Variants in KAZN observed in about 807,000 individuals in gnomAD.
KAZN encodes the protein kazrin, periplakin interacting protein.
A neutral mutation model predicts 87.4 loss-of-function variants in KAZN; 40 were observed. The ratio of observed to expected loss-of-function variants is 0.46; its 90% CI spans 0.36 to 0.60. The LOEUF is 0.60. KAZN is among the 20% of genes least tolerant of loss of function. The pLI is 0.00. For synonymous variants in KAZN, 466 were observed against 458.3 expected (o/e 1.02, Z -0.22); for missense variants, 898 against 1,073.9 (o/e 0.84, Z 2.29).
chr1:14,607,325 G>T (rs1451139534), intron 1 of KAZN, among the ~76,000 whole-genome samples: 3 of 152,142 alleles, frequency 2.0e-5, no homozygotes, highest in Non-Finnish European at 4.4e-5. Context: ...GGCACACAAA[G>T]GTCACATGAC....
intron 2 of KAZN, among the ~76,000 whole-genome samples, chr1:14,560,604 C>T (rs1361226781): frequency 6.6e-6 from 1 of 152,204 alleles, no homozygotes; most frequent in East Asian, 1.9e-4. Context: ...ATAATACCTA[C>T]CTGACAAGTT....
rs1368357019 is a variant in KAZN at position 14,720,863 on chromosome 1, C to T, written c.226+121640C>T. On this transcript the variant is annotated intron_variant, in intron 1 of 14. Transcript: ENST00000376030. ...TCCCGAGTACCTGGGACTACTACCG[C>T]GCCTGACCTTCCTTGCCACTTTCCA... is the stretch of plus-strand genomic sequence containing the variant. Among the ~76,000 whole-genome samples the T allele has an allele frequency of 4.6e-5, 7 of 152,114 alleles. No individual in the cohort carries two copies. In the East Asian group the frequency reaches 7.7e-4, roughly 17 times the overall value.
At chr1:14,445,801 G>T (rs183197909) in intron 2 of KAZN, among the ~76,000 whole-genome samples, 149 of 152,236 alleles carry the variant, frequency 9.8e-4, no homozygotes, top group Non-Finnish European at 1.3e-3. Context: ...AGGGAGCCGG[G>T]GTATTCACCT....
chr1:14,026,803 G>A (rs80302760), intron 1 of KAZN, among the ~76,000 whole-genome samples: 3,229 of 152,256 alleles, frequency 0.021, 108 homozygotes, highest in African/African-American at 0.073. Context: ...CACAGTCCAG[G>A]AGGGAAGCAG....
rs1428461051 is a variant in KAZN at position 14,923,452 on chromosome 1, C to T, written c.227-37232C>T. Among the ~76,000 whole-genome samples the T allele has an allele frequency of 6.6e-6, 1 of 152,166 alleles. No individual in the cohort carries two copies. The highest frequency in any genetic ancestry group is 6.5e-5 in the Admixed American group (1 of 15,278). On this transcript the variant is annotated intron_variant, in intron 1 of 14. Transcript: ENST00000376030. This position sits in a 1 kb window ranked among gnomAD's most constrained non-coding sequence, Gnocchi z 4.2. The stretch of plus-strand genomic sequence containing the variant: ...TTTGCCTGGCCTTGTCACTGTTCCC[C>T]CACCCACTCCCAGGGTCCAGGCTCT...
chr1:14,256,999 C>T (rs1650569131), intron 2 of KAZN, among the ~76,000 whole-genome samples: 1 of 150,694 alleles, frequency 6.6e-6, no homozygotes, highest in Non-Finnish European at 1.5e-5. Context: ...GCATGTTTGA[C>T]TGACTGATCC....
chr1:14,059,722 A>G (rs756650772), intron 1 of KAZN, among the ~76,000 whole-genome samples: 79 of 152,190 alleles, frequency 5.2e-4, no homozygotes, highest in Non-Finnish European at 9.6e-4. Context: ...TGGTCCTTCT[A>G]CCATGTGCTA....
At chr1:14,096,016 G>T (rs1192430026) in intron 1 of KAZN, among the ~76,000 whole-genome samples, 1 of 152,138 alleles carries the variant, frequency 6.6e-6, no homozygotes. Flanking sequence ...CAATGAAATT[G>T]CTTCTTATAG....
At chr1:14,103,038 T>A (rs1246522148) in intron 1 of KAZN, among the ~76,000 whole-genome samples, 2 of 151,734 alleles carry the variant, frequency 1.3e-5, no homozygotes, top group Non-Finnish European at 2.9e-5. Context: ...TGCCTCAGCC[T>A]CCCAAGCAGA....
Position 14,050,655 on chromosome 1 carries a change from A to G in KAZN, c.92-129780A>G, listed in dbSNP as rs571037462. 3.9e-5 allele frequency among the ~76,000 whole-genome samples: 6 copies of G among 152,228 alleles called. No individual in the cohort carries two copies. The South Asian group carries it at 1.2e-3, about 32-fold the overall frequency. ...CGACATGTGGGGATTACAATTCGAG[A>G]TGAGATTTGGGTGGGGATGCAGAGC... On this transcript the variant is annotated intron_variant, in intron 1 of 16. Transcript: ENST00000636203.
intron 1 of KAZN, among the ~76,000 whole-genome samples, chr1:14,754,711 A>C (rs2100510803): frequency 6.6e-6 from 1 of 152,256 alleles, no homozygotes; most frequent in African/African-American, 2.4e-5. Context: ...GCTGAGGTTC[A>C]TGCTTCCTAA....
In KAZN at chr1:15,094,803, TC is replaced by T. The variant is rs1640729898; in HGVS notation, c.1429-9del. On this transcript the variant is annotated splice_polypyrimidine_tract_variant and intron_variant, in intron 9 of 14. Coordinates refer to ENST00000376030, the MANE Select transcript of KAZN (RefSeq NM_201628.3). This position sits in a 1 kb window ranked among gnomAD's most constrained non-coding sequence, Gnocchi z 4.5. The stretch of plus-strand genomic sequence containing the variant: ...GTCCCAGCCCCCATATGACACTCCC[TC>T]CCGGGGGCAGGTGCTGCTGAGCCTG... 4 of 1,542,564 alleles carry T rather than the reference TC, an allele frequency of 2.6e-6. No homozygotes were observed. The highest frequency in any genetic ancestry group is 3.5e-6 in the Non-Finnish European group (4 of 1,140,416).
At chr1:15,053,747 C>T (rs57614976) in intron 4 of KAZN, among the ~76,000 whole-genome samples, 10,366 of 152,320 alleles carry the variant, frequency 0.068, 1,125 homozygotes, top group African/African-American at 0.23. Context: ...CCCGAACTCC[C>T]TACCTGCAAC....
intron 2 of KAZN, among the ~76,000 whole-genome samples, chr1:15,012,478 G>A (rs1045303215): frequency 2.6e-5 from 4 of 152,166 alleles, no homozygotes; most frequent in African/African-American, 9.7e-5. Flanking sequence ...CCCACACCTG[G>A]AGGCAGAAAA....
At chr1:14,380,968 A>G (rs764646812) in intron 2 of KAZN, among the ~76,000 whole-genome samples, 1 of 152,208 alleles carries the variant, frequency 6.6e-6, no homozygotes. Context: ...AAGGATCCTA[A>G]AAGTAGTGAG....
chr1:14,457,459 C>T (rs1205630117), intron 2 of KAZN, among the ~76,000 whole-genome samples: 1 of 152,156 alleles, frequency 6.6e-6, no homozygotes, highest in Non-Finnish European at 1.5e-5. Flanking sequence ...ATACAAATTT[C>T]TTCTTTCTGT....
At position 14,820,178 on chromosome 1, in the gene KAZN, T is replaced by C. The variant is rs1162390234; in HGVS notation, c.227-140506T>C. ...GATTCAGTAGGAGTGGCAGGGCCCA[T>C]GAACTCACATTCTGTGACGTTCACA... is the stretch of plus-strand genomic sequence containing the variant. On this transcript the variant is annotated intron_variant, in intron 1 of 14. Transcript: ENST00000376030. This position sits in a 1 kb window ranked among gnomAD's most constrained non-coding sequence, Gnocchi z 4.1. Among the ~76,000 whole-genome samples, 2 of 152,220 alleles carry C rather than the reference T, an allele frequency of 1.3e-5. No homozygotes were observed. Among genetic ancestry groups the C allele is most frequent in the African/African-American group, 2.4e-5 (1 of 41,464 alleles).
chr1:14,987,340 A>G (rs1666924034), intron 2 of KAZN, among the ~76,000 whole-genome samples: 1 of 151,954 alleles, frequency 6.6e-6, no homozygotes, highest in Admixed American at 6.6e-5. Context: ...TAAAGATACT[A>G]AAAATTAGCC....
chr1:14,570,076 G>A (rs1416888834), intron 2 of KAZN, among the ~76,000 whole-genome samples: 3 of 152,034 alleles, frequency 2.0e-5, no homozygotes, highest in Admixed American at 6.5e-5. Context: ...CTGCACCACG[G>A]CACTCCAGCC....
Sources: gnomAD v4.1 joint callset for allele counts (sites outside exome capture counted in the v4.1 genomes callset) on GRCh38, gnomAD v4.1.1 for gene constraint, Gnocchi (gnomAD v3.1) non-coding constraint, MANE v1.5 for transcripts, NCBI Gene and HGNC (gene_info 2026-07-23, HGNC 2026-07-21) for gene names.